DAB2: variants seen among roughly 807,000 people sequenced by gnomAD.
The protein encoded by DAB2 is disabled homolog 2.
In DAB2, 28 loss-of-function variants were observed where a neutral mutation model predicts 71.6. That is an observed-to-expected ratio of 0.39 (90% CI 0.29 to 0.54). The LOEUF (loss-of-function observed/expected upper bound fraction) is 0.54, where lower values mean the gene tolerates loss of function less well. Ranked by LOEUF, DAB2 falls within the 20% of genes least tolerant of loss-of-function variation. The pLI is 0.68. For missense variants in DAB2, 867 were observed against 928.8 expected (o/e 0.93, Z 0.86); for synonymous variants, 345 against 339.7 (o/e 1.02, Z -0.17).
At chr5:39,375,194 C>A in intron 13 of DAB2, 110 bp from the exon 14 acceptor site, 1 of 740,994 alleles carries the variant, frequency 1.3e-6, no homozygotes, top group South Asian at 1.6e-5. Flanking sequence ...ATAGGCCAAT[C>A]AGCCAATCAA....
intron 9 of DAB2, among the ~76,000 whole-genome samples, chr5:39,384,940 A>G (rs1409372082): frequency 6.6e-6 from 1 of 152,160 alleles, no homozygotes; most frequent in African/African-American, 2.4e-5. Context: ...TTTGCAAACT[A>G]GTAAATACAA....
In DAB2 at chr5:39,376,708, AG is replaced by A; in HGVS notation, c.2078del (p.Pro693LeufsTer16). 6.2e-7 allele frequency: 1 copy of A among 1,614,126 alleles called. No homozygotes were observed. The highest frequency in any genetic ancestry group is 8.5e-7 in the Non-Finnish European group (1 of 1,180,014). ...AGTCATCATGGTCTGCATTCTCCTG[AG>A]GAATGCCAACCTTGCTGTTGAAATA... ...ASYFNSKVGI[P>X]QENADHDDFD... On this transcript the variant is annotated frameshift_variant, in exon 12 of 15. Coordinates refer to ENST00000320816, the MANE Select transcript of DAB2 (RefSeq NM_001343.4). LOFTEE classifies it high-confidence loss of function.
chr5:39,397,355 C>G, intron 1 of DAB2, among the ~76,000 whole-genome samples: 1 of 152,164 alleles, frequency 6.6e-6, no homozygotes, highest in East Asian at 1.9e-4. Flanking sequence ...CACCATGAGA[C>G]CCCCTCCTGC....
intron 10 of DAB2, 109 bp from the exon 11 acceptor site, chr5:39,381,725 A>C (rs759484915): frequency 1.5e-5 from 18 of 1,226,784 alleles, no homozygotes; most frequent in Non-Finnish European, 2.0e-5. Flanking sequence ...CAAAAAGGAA[A>C]ACTTTTTTCT....
At position 39,377,236 on chromosome 5, in the gene DAB2, T is replaced by G; in HGVS notation, c.1551A>C (p.Ala517=). ...AAGGGGACTGATTGAAGACCAAAGA[T>G]GCTGTGTTCCATGGTCCTGCCTGAG... ...TLPQAGPWNT[A]SLVFNQSPSM... is the part of the protein sequence containing the mutation. Residue 517 remains alanine, a synonymous_variant, in exon 12 of 15, where the codon GCA becomes GCC. Transcript: ENST00000320816. 1.9e-6 allele frequency: 3 copies of G among 1,614,090 alleles called. No homozygotes were observed. The highest frequency in any genetic ancestry group is 2.5e-6 in the Non-Finnish European group (3 of 1,179,984).
chr5:39,395,799 ATTCTT>A (rs1360546995), intron 1 of DAB2, among the ~76,000 whole-genome samples: 2 of 152,172 alleles, frequency 1.3e-5, no homozygotes, highest in Non-Finnish European at 2.9e-5. Context: ...ACTCAAAGCC[ATTCTT>A]AACTCAGGAC....
intron 13 of DAB2, among the ~76,000 whole-genome samples, 179 bp from the exon 14 acceptor site, chr5:39,375,263 T>C (rs2738239): frequency 0.39 from 58,568 of 152,044 alleles, 12,390 homozygotes; most frequent in Non-Finnish European, 0.47. Flanking sequence ...CAGTGTATAT[T>C]ATTTATGTGA....
At position 39,388,851 on chromosome 5, in the gene DAB2, T is replaced by C. The variant is rs761577117; in HGVS notation, c.572A>G (p.Asn191Ser). 1.2e-6 allele frequency: 2 copies of C among 1,612,124 alleles called. No individual in the cohort carries two copies. Among genetic ancestry groups the C allele is most frequent in the South Asian group, 2.2e-5 (2 of 91,010 alleles). The change falls in exon 8 of 15, where the codon AAT becomes AGT. Residue 191 changes from asparagine to serine, a missense_variant and splice_region_variant. This residue lies in a region of DAB2 where 740 missense variants were observed against 734.3 expected (regional missense o/e 1.01). Coordinates refer to ENST00000320816, the MANE Select transcript of DAB2 (RefSeq NM_001343.4). ...TAGAATCATTAGGGCCTCACTCCCA[T>C]TCTGAAAAGATAGCAAATATTTAAG... ...KIEEASKAVE[N>S]GSEALMILDD...
In DAB2 at chr5:39,376,528, C is replaced by A. The variant is rs563503465; in HGVS notation, c.2137+122G>T. The A allele has an allele frequency of 2.4e-4, 280 of 1,183,654 alleles. 1 individual carries two copies. The East Asian group carries it at 6.5e-3, about 27-fold the overall frequency. 73.3% of individuals were successfully genotyped at this position (1,183,654 alleles called of 1,614,324 possible). A position where few individuals can be genotyped will look rare whatever the true frequency, so the allele number is the denominator to read the frequency against. ...AAGTTGTCTCCGTAACCCTTGATTACCAACAGAAGCAAGAGCAAAGCTGTT... is the reference window on the plus strand; with the variant it reads ...AAGTTGTCTCCGTAACCCTTGATTAACAACAGAAGCAAGAGCAAAGCTGTT... On this transcript the variant is annotated intron_variant, in intron 12 of 14. Coordinates refer to ENST00000320816, the MANE Select transcript of DAB2 (RefSeq NM_001343.4).
chr5:39,418,389 ACAG>A (rs1453986575), intron 1 of DAB2: 1 of 152,218 alleles, frequency 6.6e-6, no homozygotes, highest in African/African-American at 2.4e-5. Context: ...ATTACATATT[ACAG>A]AAAACTAGAC....
At chr5:39,399,555 A>G (rs1755450123) in intron 1 of DAB2, among the ~76,000 whole-genome samples, 2 of 152,222 alleles carry the variant, frequency 1.3e-5, no homozygotes, top group South Asian at 2.1e-4. Context: ...TTAAGTGAAG[A>G]TCTCTAACTT....
Position 39,381,549 on chromosome 5 carries a change from G to A in DAB2, c.1409C>T (p.Ala470Val), listed in dbSNP as rs749072724. 6.0e-5 allele frequency: 97 copies of A among 1,613,926 alleles called. No individual in the cohort carries two copies. The highest frequency in any genetic ancestry group is 7.5e-5 in the Non-Finnish European group (88 of 1,179,978). The change falls in exon 11 of 15, where the codon GCG (alanine) becomes GTG (valine). Residue 470 changes from alanine to valine, a missense_variant. This residue lies in a region of DAB2 where 740 missense variants were observed against 734.3 expected (regional missense o/e 1.01). Transcript: ENST00000320816. ...GGCTGTAGGTTGTCCTGTGGGTGAC[G>A]CCTGGCCTGAAGGTTCTGAGACGGG... ...APPVSEPSGQASPTGQPTALQ... is the reference protein window; with the variant it reads ...APPVSEPSGQVSPTGQPTALQ...
chr5:39,387,196 C>G (rs956231175), intron 9 of DAB2, among the ~76,000 whole-genome samples: 2 of 152,172 alleles, frequency 1.3e-5, no homozygotes, highest in African/African-American at 4.8e-5. Flanking sequence ...CTGCAGAAGT[C>G]TGAAGGGAGA....
intron 4 of DAB2, among the ~76,000 whole-genome samples, chr5:39,390,923 T>C (rs890504091): frequency 2.0e-5 from 3 of 152,174 alleles, no homozygotes; most frequent in Non-Finnish European, 4.4e-5. Flanking sequence ...ATAGGTCTAC[T>C]TTCCCAACTC....
Position 39,393,743 on chromosome 5 carries a change from T to A in DAB2, c.92-350A>T, listed in dbSNP as rs575267809. 2.0e-5 allele frequency among the ~76,000 whole-genome samples: 3 copies of A among 152,126 alleles called. No homozygotes were observed. In the South Asian group the frequency reaches 6.2e-4, roughly 32 times the overall value. Reference sequence around the variant, plus strand: ...GATGATAATATATGTATTTTTAATGTAAGAAAAATAAGCTGCCAAGCAATT... The same window carrying A: ...GATGATAATATATGTATTTTTAATGAAAGAAAAATAAGCTGCCAAGCAATT... On this transcript the variant is annotated intron_variant, in intron 2 of 14. Transcript: ENST00000320816.
chr5:39,376,939 C>T lies in DAB2; in HGVS notation c.1848G>A (p.Leu616=), dbSNP rs757195866. The T allele has an allele frequency of 6.2e-7, 1 of 1,613,982 alleles. No homozygotes were observed. Among genetic ancestry groups the T allele is most frequent in the Non-Finnish European group, 8.5e-7 (1 of 1,179,984 alleles). Residue 616 remains leucine (L), a synonymous_variant, in exon 12 of 15, where the codon CTG becomes CTA. Coordinates refer to ENST00000320816, the MANE Select transcript of DAB2 (RefSeq NM_001343.4). ...TGGGAGGTGGCTGAGGAGGAGTGACCAGGAGAGAGGAGTGCATGGATGGGG... is the reference window on the plus strand; with the variant it reads ...TGGGAGGTGGCTGAGGAGGAGTGACTAGGAGAGAGGAGTGCATGGATGGGG... ...TQPPSMHSSL[L]VTPPQPPPRA...
At chr5:39,392,487 GA>G in intron 3 of DAB2, 24 bp from the exon 4 acceptor site, 1 of 1,560,404 alleles carries the variant, frequency 6.4e-7, no homozygotes, top group Non-Finnish European at 8.8e-7. Flanking sequence ...AAAAACAAGA[GA>G]AGTTGAATTT....
At chr5:39,395,462 A>G (rs189689189) in intron 1 of DAB2, among the ~76,000 whole-genome samples, 90 of 152,374 alleles carry the variant, frequency 5.9e-4, no homozygotes, top group African/African-American at 2.0e-3. Flanking sequence ...CCACATGGGA[A>G]TAACTGTCGT....
At chr5:39,389,231 T>C in intron 6 of DAB2, 108 bp from the exon 7 acceptor site, 1 of 780,942 alleles carries the variant, frequency 1.3e-6, no homozygotes, top group Non-Finnish European at 2.1e-6. Context: ...AGAATAAGTC[T>C]TGTATATTAT....
Sources: allele counts gnomAD v4.1 joint callset (sites outside exome capture counted in the v4.1 genomes callset), GRCh38; gene constraint gnomAD v4.1.1; regional missense constraint gnomAD v4.1.1; transcripts MANE v1.5; gene names NCBI Gene and HGNC (gene_info 2026-07-23, HGNC 2026-07-21).